The following MAPK9 variants were observed in gnomAD, a reference collection of about 807,000 sequenced individuals.
The protein encoded by MAPK9 is Jun kinase.
In MAPK9, 30 loss-of-function variants were observed where a neutral mutation model predicts 57.1. The ratio of observed to expected loss-of-function variants is 0.53; its 90% CI spans 0.39 to 0.71. The LOEUF (loss-of-function observed/expected upper bound fraction) is 0.71. Among genes scored for constraint, MAPK9 ranks in the 30% least tolerant of loss-of-function variants. The pLI is 0.00. For synonymous variants in MAPK9, 155 were observed against 177.0 expected (o/e 0.88, Z 0.99); for missense variants, 362 against 521.0 (o/e 0.69, Z 2.97).
chr5:180,248,626 G>C (rs144901408), intron 6 of MAPK9, among the ~76,000 whole-genome samples: 4 of 152,186 alleles, frequency 2.6e-5, no homozygotes, highest in African/African-American at 9.7e-5. Context: ...GGCCAGCCTC[G>C]TGGGCTGCGA....
chr5:180,277,272 C>T (rs191536505), intron 2 of MAPK9, among the ~76,000 whole-genome samples: 2 of 152,328 alleles, frequency 1.3e-5, no homozygotes, highest in African/African-American at 2.4e-5. Flanking sequence ...GTCCAAAATG[C>T]ATCTTATGCC....
chr5:180,259,052 TG>T (rs1759621392), intron 5 of MAPK9, among the ~76,000 whole-genome samples: 1 of 148,700 alleles, frequency 6.7e-6, no homozygotes, highest in African/African-American at 2.5e-5. Context: ...AAAAAAAATG[TG>T]GTAACACCTT....
Position 180,247,255 on chromosome 5 carries a change from TAAAG to T in MAPK9, c.688+180_688+183del. 1.6e-6 allele frequency: 1 copy of T among 624,366 alleles called. No individual in the cohort carries two copies. The highest frequency in any genetic ancestry group is 2.8e-5 in the East Asian group (1 of 35,654). The allele number at this position is 624,366 out of a possible 1,614,324, so 38.7% of individuals were successfully genotyped here. On this transcript the variant is annotated intron_variant, in intron 7 of 11. Coordinates refer to ENST00000452135, the MANE Select transcript of MAPK9 (RefSeq NM_002752.5). This position sits in a 1 kb window ranked among gnomAD's most constrained non-coding sequence, Gnocchi z 4.5. ...TCATCACAGGTAGTCAAGTTAAAAA[TAAAG>T]AATGAAATTGAACCACTTGGCTTGT...
intron 5 of MAPK9, among the ~76,000 whole-genome samples, chr5:180,251,731 A>AAGTGACGCCTGGATCGGGG (rs1758710951): frequency 1.3e-5 from 1 of 75,852 alleles, no homozygotes; most frequent in African/African-American, 5.1e-5. Context: ...GTACAGATCC[A>AAGTGACGCCTGGATCGGGG]AGTGACGCCT....
Position 180,254,950 on chromosome 5 carries a change from C to T in MAPK9, c.451-5812G>A, listed in dbSNP as rs931447005. 3.3e-5 allele frequency among the ~76,000 whole-genome samples: 5 copies of T among 152,130 alleles called. No individual in the cohort carries two copies. The East Asian group carries it at 5.8e-4, about 18-fold the overall frequency. Reference sequence around the variant, plus strand: ...TAGGGAGGCTGAGGCAGGAGAATGGCGTGAACCCGAGAGGCAGAGTTTGCA... The same window carrying T: ...TAGGGAGGCTGAGGCAGGAGAATGGTGTGAACCCGAGAGGCAGAGTTTGCA... On this transcript the variant is annotated intron_variant, in intron 5 of 11. Transcript: ENST00000452135.
chr5:180,256,211 G>C (rs1266693392), intron 5 of MAPK9, among the ~76,000 whole-genome samples: 1 of 152,050 alleles, frequency 6.6e-6, no homozygotes, highest in Non-Finnish European at 1.5e-5. Flanking sequence ...TACTTCGGTG[G>C]GATATCATGG....
At position 180,247,454 on chromosome 5, in the gene MAPK9, A is replaced by G. The variant is rs1758232929; in HGVS notation, c.673T>C (p.Phe225Leu). The G allele has an allele frequency of 1.9e-6, 3 of 1,614,234 alleles. No homozygotes were observed. The highest frequency in any genetic ancestry group is 2.2e-5 in the East Asian group (1 of 44,886). ...MGELVKGCVI[F>L]QGTDHIDQWN... ...GGAAGGATACGGTCAGTGCCTTGGAATATCACACAACCTTTCACCAGCTCT... is the reference window on the plus strand; with the variant it reads ...GGAAGGATACGGTCAGTGCCTTGGAGTATCACACAACCTTTCACCAGCTCT... Residue 225 changes from phenylalanine to leucine, a missense_variant, in exon 7 of 12, where the codon TTC (phenylalanine) becomes CTC (leucine). Around this residue, in one of 3 missense-constraint regions of MAPK9, gnomAD observed 199 missense variants for 251.3 expected, o/e 0.79. Coordinates refer to ENST00000452135, the MANE Select transcript of MAPK9 (RefSeq NM_002752.5). This position sits in a 1 kb window ranked among gnomAD's most constrained non-coding sequence, Gnocchi z 4.5.
At chr5:180,251,633 C>T (rs1758703357) in intron 5 of MAPK9, among the ~76,000 whole-genome samples, 1 of 152,076 alleles carries the variant, frequency 6.6e-6, no homozygotes. Context: ...TTCCCAACAC[C>T]TCACTTCAAT....
intron 9 of MAPK9, 35 bp downstream of exon 9, chr5:180,240,996 C>T (rs562225301): frequency 1.3e-6 from 2 of 1,584,688 alleles, no homozygotes; most frequent in South Asian, 1.2e-5. Flanking sequence ...TAAGCCTGGC[C>T]TCTCTATATA....
intron 2 of MAPK9, among the ~76,000 whole-genome samples, chr5:180,273,718 C>T (rs913890126): frequency 2.0e-5 from 3 of 152,176 alleles, no homozygotes; most frequent in Admixed American, 1.3e-4. Flanking sequence ...ATGAACATTC[C>T]TATGTCCATT....
chr5:180,245,419 G>A (rs1758008475), intron 7 of MAPK9, among the ~76,000 whole-genome samples: 1 of 152,180 alleles, frequency 6.6e-6, no homozygotes. Context: ...TTGCATCTCA[G>A]TCAGACTAGG....
Position 180,247,071 on chromosome 5 carries a change from C to A in MAPK9, c.688+368G>T. The A allele has an allele frequency of 4.2e-6, 1 of 237,268 alleles. No individual in the cohort carries two copies. The highest frequency in any genetic ancestry group is 8.2e-6 in the Non-Finnish European group (1 of 122,600). The allele number at this position is 237,268 out of a possible 1,614,324, so 14.7% of individuals were successfully genotyped here. A position where few individuals can be genotyped will look rare whatever the true frequency, so the allele number is the denominator to read the frequency against. On this transcript the variant is annotated intron_variant, in intron 7 of 11. Coordinates refer to ENST00000452135, the MANE Select transcript of MAPK9 (RefSeq NM_002752.5). This position sits in a 1 kb window ranked among gnomAD's most constrained non-coding sequence, Gnocchi z 4.5. Reference sequence around the variant, plus strand: ...CCTATTAAATTTAGATAGCATCTTTCCTAGTTAAATTAACGGAATAAACTA... The same window carrying A: ...CCTATTAAATTTAGATAGCATCTTTACTAGTTAAATTAACGGAATAAACTA...
chr5:180,281,648 T>C (rs1762323996), intron 1 of MAPK9, among the ~76,000 whole-genome samples: 1 of 152,222 alleles, frequency 6.6e-6, no homozygotes. Flanking sequence ...GTCAACCTAA[T>C]GAGATTTTTG....
intron 7 of MAPK9, among the ~76,000 whole-genome samples, chr5:180,243,436 T>C (rs1757813206): frequency 6.6e-6 from 1 of 152,220 alleles, no homozygotes; most frequent in African/African-American, 2.4e-5. Context: ...ATTTGTTCAA[T>C]GCAGACATTA....
chr5:180,280,566 C>A lies in MAPK9; in HGVS notation c.-5G>T, dbSNP rs1168757867. On this transcript the variant is annotated 5_prime_UTR_variant, in exon 2 of 12. Coordinates refer to ENST00000452135, the MANE Select transcript of MAPK9 (RefSeq NM_002752.5). Reference sequence around the variant, plus strand: ...GTCACATTTACTGTCGCTCATGATGCAGCGTCCTGCAATATCCCGAAGGGT... The same window carrying A: ...GTCACATTTACTGTCGCTCATGATGAAGCGTCCTGCAATATCCCGAAGGGT... 3 of 1,613,312 alleles carry A rather than the reference C, an allele frequency of 1.9e-6. No homozygotes were observed. The Admixed American group carries it at 5.0e-5, about 27-fold the overall frequency.
rs754976956 is a variant in MAPK9, at chr5:180,248,943, C to T, written c.616+30G>A. ...ACCGCTAGAGCAATTTCTAAACATC[C>T]CAGCCTCTTCCAGCCCCGGCTATAC... On this transcript the variant is annotated intron_variant, in intron 6 of 11. Transcript: ENST00000452135. 8.3e-6 allele frequency: 13 copies of T among 1,569,298 alleles called. No homozygotes were observed. In the African/African-American group the frequency reaches 1.2e-4, roughly 15 times the overall value.
At chr5:180,265,624 A>C (rs1760456302) in intron 3 of MAPK9, among the ~76,000 whole-genome samples, 1 of 152,180 alleles carries the variant, frequency 6.6e-6, no homozygotes, top group African/African-American at 2.4e-5. Context: ...GAGTTATTTA[A>C]ACCGCTTTCC....
chr5:180,235,891 G>A lies in MAPK9; in HGVS notation c.*493C>T, dbSNP rs1025390020. 1 of 152,678 alleles carries A rather than the reference G, an allele frequency of 6.5e-6. No individual in the cohort carries two copies. Among genetic ancestry groups the A allele is most frequent in the African/African-American group, 2.4e-5 (1 of 41,446 alleles). The allele number at this position is 152,678 out of a possible 1,614,324, so 9.5% of individuals were successfully genotyped here. On this transcript the variant is annotated 3_prime_UTR_variant, in exon 12 of 12. Coordinates refer to ENST00000452135, the MANE Select transcript of MAPK9 (RefSeq NM_002752.5). The stretch of plus-strand genomic sequence containing the variant: ...AGGGAATAAGATATGATAACATCAT[G>A]ATGGCCAATTAATACACATAAATCG...
At chr5:180,286,497 T>C (rs1382252441) in intron 1 of MAPK9, among the ~76,000 whole-genome samples, 1 of 151,808 alleles carries the variant, frequency 6.6e-6, no homozygotes, top group Non-Finnish European at 1.5e-5. Context: ...AATCTTTCTT[T>C]GATAATCAAG....
Sources: gnomAD v4.1 joint callset for allele counts (sites outside exome capture counted in the v4.1 genomes callset) on GRCh38, gnomAD v4.1.1 for gene constraint, gnomAD v4.1.1 regional missense constraint, Gnocchi (gnomAD v3.1) non-coding constraint, MANE v1.5 for transcripts, NCBI Gene and HGNC (gene_info 2026-07-23, HGNC 2026-07-21) for gene names.